ZNF385B: variants seen among roughly 807,000 people sequenced by gnomAD.
ZNF385B encodes the protein zinc finger protein 385B, also known as zinc finger protein 533.
A neutral mutation model predicts 39.2 loss-of-function variants in ZNF385B; 23 were observed. The ratio of observed to expected loss-of-function variants is 0.59; its 90% CI spans 0.42 to 0.83. The LOEUF is 0.83. ZNF385B is among the 40% of genes least tolerant of loss of function. ZNF385B has a pLI of 0.00. For synonymous variants in ZNF385B, 205 were observed against 222.6 expected (o/e 0.92, Z 0.70); for missense variants, 552 against 598.9 (o/e 0.92, Z 0.82).
At chr2:179,715,023 A>G (rs890570832) in intron 3 of ZNF385B, among the ~76,000 whole-genome samples, 12 of 150,930 alleles carry the variant, frequency 8.0e-5, no homozygotes, top group Non-Finnish European at 1.5e-4. Flanking sequence ...TCTGTCAAAA[A>G]TTTTCCTGTT....
rs568393141 is a variant in ZNF385B, at chr2:179,445,785, T to C, written c.962-57A>G. On this transcript the variant is annotated intron_variant, in intron 7 of 9. Coordinates refer to ENST00000410066, the MANE Select transcript of ZNF385B (RefSeq NM_152520.6). ...TATCCAAGAATTATATAAAGCTCTT[T>C]GTTTTCTTATCCTTGAGAAGTTTAC... 6.9e-6 allele frequency: 10 copies of C among 1,455,800 alleles called. No homozygotes were observed. The African/African-American group carries it at 1.3e-4, about 19-fold the overall frequency. 90.2% of individuals were successfully genotyped at this position (1,455,800 alleles called of 1,614,324 possible). A position where few individuals can be genotyped will look rare whatever the true frequency, so the allele number is the denominator to read the frequency against.
At chr2:179,671,274 C>T (rs947140624) in intron 3 of ZNF385B, among the ~76,000 whole-genome samples, 9 of 152,162 alleles carry the variant, frequency 5.9e-5, no homozygotes, top group African/African-American at 2.2e-4. Flanking sequence ...ATTTCCAGCT[C>T]AGCTCAAAAA....
In ZNF385B at chr2:179,731,792, T is replaced by C. The variant is rs187854958; in HGVS notation, c.298+37711A>G. Among the ~76,000 whole-genome samples, 199 of 152,242 alleles carry C rather than the reference T, an allele frequency of 1.3e-3. 1 individual carries two copies. The highest frequency in any genetic ancestry group is 4.5e-3 in the African/African-American group (185 of 41,536). On this transcript the variant is annotated intron_variant, in intron 3 of 9. Coordinates refer to ENST00000410066, the MANE Select transcript of ZNF385B (RefSeq NM_152520.6). ...TCATAGCAAGACCCTGTTTCTAAAA[T>C]AAACAAACAAACAATAAAAGTTTCC...
At chr2:179,501,541 C>A (rs2056760239) in intron 5 of ZNF385B, among the ~76,000 whole-genome samples, 1 of 152,004 alleles carries the variant, frequency 6.6e-6, no homozygotes, top group East Asian at 1.9e-4. Context: ...CAATTAAAGT[C>A]ATGGACACAG....
chr2:179,523,959 T>A (rs12465393), intron 4 of ZNF385B, among the ~76,000 whole-genome samples: 21,642 of 152,010 alleles, frequency 0.14, 2,159 homozygotes, highest in East Asian at 0.37. Context: ...AGTTTTTTTT[T>A]AAATTTTTAT....
In ZNF385B at chr2:179,787,689, G is replaced by A. The variant is rs137979519; in HGVS notation, c.-154-17017C>T. ...GTTGAAACGGTCTAGGCTGTATCTT[G>A]GAGACCATTCCAGTGTAATCTTATC... On this transcript the variant is annotated intron_variant, in intron 1 of 9. Transcript: ENST00000410066. Among the ~76,000 whole-genome samples the A allele has an allele frequency of 3.9e-3, 597 of 152,260 alleles. 8 individuals are homozygous for A. Among genetic ancestry groups the A allele is most frequent in the African/African-American group, 0.014 (565 of 41,558 alleles).
At chr2:179,712,791 G>A (rs1053221807) in intron 3 of ZNF385B, among the ~76,000 whole-genome samples, 6 of 152,136 alleles carry the variant, frequency 3.9e-5, no homozygotes, top group Non-Finnish European at 8.8e-5. Flanking sequence ...AACTTTTCTT[G>A]CCCTCCCTTC....
chr2:179,835,390 C>G (rs373531583), intron 1 of ZNF385B, among the ~76,000 whole-genome samples: 4 of 152,116 alleles, frequency 2.6e-5, no homozygotes, highest in African/African-American at 9.7e-5. Flanking sequence ...TAATAGGACA[C>G]TTTTTATATG....
At position 179,444,932 on chromosome 2, in the gene ZNF385B, G is replaced by T. The variant is rs2049320643; in HGVS notation, c.1186C>A (p.Leu396Met). The T allele has an allele frequency of 6.2e-7, 1 of 1,614,198 alleles. No individual in the cohort carries two copies. Among genetic ancestry groups the T allele is most frequent in the Non-Finnish European group, 8.5e-7 (1 of 1,180,020 alleles). ...RHKDRVAGKP[L>M]KPKYSPYNKL... ...TTGTAAGGGCTGTATTTTGGCTTCA[G>T]TGGTTTCCCTGCAACTCGATCTTTA... Residue 396 changes from leucine (L) to methionine (M), a missense_variant, in exon 9 of 10, where the codon CTG becomes ATG. Coordinates refer to ENST00000410066, the MANE Select transcript of ZNF385B (RefSeq NM_152520.6).
At chr2:179,854,406 A>T (rs1347068391) in intron 1 of ZNF385B, among the ~76,000 whole-genome samples, 1 of 152,142 alleles carries the variant, frequency 6.6e-6, no homozygotes, top group Non-Finnish European at 1.5e-5. Context: ...CACTGATTTA[A>T]TGATTGTCTT....
intron 3 of ZNF385B, among the ~76,000 whole-genome samples, chr2:179,565,939 T>A (rs139567733): frequency 6.6e-6 from 1 of 152,322 alleles, no homozygotes; most frequent in East Asian, 1.9e-4. Flanking sequence ...TGATTGTGTA[T>A]TACTTGTGCA....
intron 3 of ZNF385B, among the ~76,000 whole-genome samples, chr2:179,670,951 A>G (rs114384914): frequency 1.5e-3 from 234 of 152,328 alleles, no homozygotes; most frequent in African/African-American, 5.3e-3. Flanking sequence ...ACCTTGGAAA[A>G]GTCACTTATC....
At chr2:179,653,642 C>T (rs1310640319) in intron 3 of ZNF385B, among the ~76,000 whole-genome samples, 1 of 152,140 alleles carries the variant, frequency 6.6e-6, no homozygotes, top group African/African-American at 2.4e-5. Context: ...AGAATCAGGT[C>T]CTGCTACTTT....
intron 1 of ZNF385B, among the ~76,000 whole-genome samples, chr2:179,832,629 T>C (rs1708043469): frequency 6.6e-6 from 1 of 152,146 alleles, no homozygotes; most frequent in Non-Finnish European, 1.5e-5. Flanking sequence ...AAATCCACAT[T>C]CTAGCCACCC....
chr2:179,858,150 T>A (rs1684747988), intron 1 of ZNF385B, among the ~76,000 whole-genome samples: 1 of 151,958 alleles, frequency 6.6e-6, no homozygotes, highest in African/African-American at 2.4e-5. Flanking sequence ...ATAGCCACCA[T>A]GGGAATAGAA....
At chr2:179,761,047 G>A (rs1703352402) in intron 3 of ZNF385B, among the ~76,000 whole-genome samples, 1 of 152,038 alleles carries the variant, frequency 6.6e-6, no homozygotes, top group African/African-American at 2.4e-5. Flanking sequence ...AAAATCAATT[G>A]AGTATGTGTG....
chr2:179,485,460 A>G (rs2054466936), intron 5 of ZNF385B, among the ~76,000 whole-genome samples: 1 of 152,054 alleles, frequency 6.6e-6, no homozygotes, highest in Non-Finnish European at 1.5e-5. Context: ...TTGCTTTGCT[A>G]TCTTCAGACA....
chr2:179,615,795 A>G (rs1160014683), intron 3 of ZNF385B, among the ~76,000 whole-genome samples: 1 of 152,204 alleles, frequency 6.6e-6, no homozygotes, highest in African/African-American at 2.4e-5. Context: ...ATTTCCTGCT[A>G]AAGGGCACCT....
At chr2:179,777,383 AC>A (rs770130984) in intron 1 of ZNF385B, among the ~76,000 whole-genome samples, 1 of 152,186 alleles carries the variant, frequency 6.6e-6, no homozygotes, top group East Asian at 1.9e-4. Context: ...TCATGAAAAA[AC>A]AATTACAAAA....
Sources: allele counts gnomAD v4.1 joint callset (sites outside exome capture counted in the v4.1 genomes callset), GRCh38; gene constraint gnomAD v4.1.1; transcripts MANE v1.5; gene names NCBI Gene and HGNC (gene_info 2026-07-23, HGNC 2026-07-21).